The following BSDC1 variants were observed in gnomAD, a reference collection of about 807,000 sequenced individuals.
BSDC1 encodes BSD domain-containing protein 1.
A neutral mutation model predicts 56.0 loss-of-function variants in BSDC1; 29 were observed. The observed-to-expected ratio is 0.52, with a 90% CI of 0.39 to 0.71. BSDC1 has a LOEUF of 0.71. Among genes scored for constraint, BSDC1 ranks in the 30% least tolerant of loss-of-function variants. The pLI, the probability that BSDC1 is intolerant of heterozygous loss-of-function variation, is 0.00. For synonymous variants in BSDC1, 210 were observed against 215.3 expected (o/e 0.98, Z 0.21); for missense variants, 477 against 548.5 (o/e 0.87, Z 1.30).
intron 10 of BSDC1, chr1:32,366,874 G>A (rs1193024752): frequency 7.9e-7 from 1 of 1,270,736 alleles, no homozygotes; most frequent in Non-Finnish European, 1.0e-6. Context: ...GATTACCTCA[G>A]ACCTAAAGGA....
At chr1:32,376,195 G>A (rs1246505992) in intron 9 of BSDC1, 67 bp downstream of exon 9, 4 of 1,383,058 alleles carry the variant, frequency 2.9e-6, no homozygotes, top group Non-Finnish European at 3.8e-6. Flanking sequence ...GGGACAAGGA[G>A]ACAAATCTGC....
At chr1:32,389,969 T>A (rs1642809365) in intron 2 of BSDC1, among the ~76,000 whole-genome samples, 1 of 136,736 alleles carries the variant, frequency 7.3e-6, no homozygotes. Context: ...TGAGACCCTG[T>A]CTCAAAAAAA....
chr1:32,390,557 C>T (rs956621820), intron 2 of BSDC1, among the ~76,000 whole-genome samples: 2 of 152,114 alleles, frequency 1.3e-5, no homozygotes, highest in African/African-American at 2.4e-5. Flanking sequence ...ACTTTGGGCA[C>T]GCAGAACTTG....
At chr1:32,377,087 G>A (rs1366435706) in intron 8 of BSDC1, among the ~76,000 whole-genome samples, 1 of 151,986 alleles carries the variant, frequency 6.6e-6, no homozygotes, top group Non-Finnish European at 1.5e-5. Context: ...AGTGGGCGGA[G>A]ATTGCGCCAC....
Position 32,394,419 on chromosome 1 carries a change from C to A in BSDC1, c.-5G>T. The stretch of plus-strand genomic sequence containing the variant: ...ACAAGCTCACCCTTCCGCCATCTTG[C>A]CTGCATGACATCACCACTATTTACT... On this transcript the variant is annotated 5_prime_UTR_variant, in exon 1 of 11. Coordinates refer to ENST00000455895, the MANE Select transcript of BSDC1 (RefSeq NM_018045.8). 2 of 1,614,186 alleles carry A rather than the reference C, an allele frequency of 1.2e-6. No homozygotes were observed. Among genetic ancestry groups the A allele is most frequent in the South Asian group, 1.1e-5 (1 of 91,082 alleles).
At chr1:32,383,482 A>T (rs530641287) in intron 4 of BSDC1, among the ~76,000 whole-genome samples, 1 of 152,080 alleles carries the variant, frequency 6.6e-6, no homozygotes, top group African/African-American at 2.4e-5. Flanking sequence ...TGATTAGGAA[A>T]GATGCTATGT....
chr1:32,372,378 C>G (rs1642122819), intron 9 of BSDC1, among the ~76,000 whole-genome samples: 1 of 152,236 alleles, frequency 6.6e-6, no homozygotes, highest in Admixed American at 6.5e-5. Flanking sequence ...GCCATGACAG[C>G]TTTCCCTAAC....
rs996733846 is a variant in BSDC1 at position 32,366,827 on chromosome 1, G to C, written c.1261-173C>G. 8 of 1,350,704 alleles carry C rather than the reference G, an allele frequency of 5.9e-6. No homozygotes were observed. The Admixed American group carries it at 2.5e-4, about 42-fold the overall frequency. The allele number at this position is 1,350,704 out of a possible 1,614,324, so 83.7% of individuals were successfully genotyped here. The stretch of plus-strand genomic sequence containing the variant: ...TCTTAAGGAATGTGTCTGAGGGGCA[G>C]AGCTGCCCTCTGCCTGAGGGGTGGG... On this transcript the variant is annotated intron_variant, in intron 10 of 10. Coordinates refer to ENST00000455895, the MANE Select transcript of BSDC1 (RefSeq NM_018045.8).
intron 2 of BSDC1, 114 bp downstream of exon 2, chr1:32,393,966 A>G: frequency 1.0e-6 from 1 of 1,000,000 alleles, no homozygotes; most frequent in Non-Finnish European, 1.5e-6. Flanking sequence ...GGCCCAGGTC[A>G]GCCTCATCCT....
chr1:32,384,171 T>A (rs1642587524), intron 3 of BSDC1, 174 bp from the exon 4 acceptor site: 1 of 795,504 alleles, frequency 1.3e-6, no homozygotes. Flanking sequence ...GGGTCCTCCA[T>A]CCCCCAAGTG....
chr1:32,365,270 T>C lies in BSDC1; in HGVS notation c.*1352A>G, dbSNP rs1641804514. 4 of 152,440 alleles carry C rather than the reference T, an allele frequency of 2.6e-5. No individual in the cohort carries two copies. In the Middle Eastern group the frequency reaches 0.014, roughly 519 times the overall value. 9.4% of individuals were successfully genotyped at this position (152,440 alleles called of 1,614,324 possible). A position where few individuals can be genotyped will look rare whatever the true frequency, so the allele number is the denominator to read the frequency against. ...CCAGCTACAAAATACTCTGGGGAGA[T>C]GCATTATAATTTAAAATATATAATA... is the stretch of plus-strand genomic sequence containing the variant. On this transcript the variant is annotated 3_prime_UTR_variant, in exon 11 of 11. Coordinates refer to ENST00000455895, the MANE Select transcript of BSDC1 (RefSeq NM_018045.8).
At chr1:32,383,089 A>G (rs1402712090) in intron 4 of BSDC1, among the ~76,000 whole-genome samples, 2 of 152,054 alleles carry the variant, frequency 1.3e-5, no homozygotes, top group East Asian at 3.9e-4. Flanking sequence ...CCAAATATGC[A>G]ACATGAAGGA....
rs1029727640 is a variant in BSDC1 at position 32,364,807 on chromosome 1, A to G, written c.*1815T>C. ...AATCATATACAAACAGGGGGAAGAGAGGATAAAAATGACCAAGAGCAACTG... is the reference window on the plus strand; with the variant it reads ...AATCATATACAAACAGGGGGAAGAGGGGATAAAAATGACCAAGAGCAACTG... On this transcript the variant is annotated 3_prime_UTR_variant, in exon 11 of 11. Coordinates refer to ENST00000455895, the MANE Select transcript of BSDC1 (RefSeq NM_018045.8). Among the ~76,000 whole-genome samples the G allele has an allele frequency of 6.6e-6, 1 of 152,234 alleles. No individual in the cohort carries two copies. Among genetic ancestry groups the G allele is most frequent in the Non-Finnish European group, 1.5e-5 (1 of 68,046 alleles).
chr1:32,391,601 T>C (rs1642868049), intron 2 of BSDC1, among the ~76,000 whole-genome samples: 1 of 152,240 alleles, frequency 6.6e-6, no homozygotes, highest in African/African-American at 2.4e-5. Flanking sequence ...TCTATCAACG[T>C]GTATGCACAC....
Position 32,376,382 on chromosome 1 carries a change from G to A in BSDC1, c.1036C>T (p.Pro346Ser). ...ACTCTGGCTGGAGGCCTGGGCTCTG[G>A]GCCGCCGGTGTGGCCAGCAGGCGTT... ...PLTPAGHTGGPEPRPPARVET... is the reference protein window; with the variant it reads ...PLTPAGHTGGSEPRPPARVET... Residue 346 changes from proline to serine, a missense_variant, in exon 9 of 11, where the codon CCA becomes TCA. Coordinates refer to ENST00000455895, the MANE Select transcript of BSDC1 (RefSeq NM_018045.8). The A allele has an allele frequency of 6.2e-7, 1 of 1,613,764 alleles. No individual in the cohort carries two copies. Among genetic ancestry groups the A allele is most frequent in the Non-Finnish European group, 8.5e-7 (1 of 1,179,724 alleles).
intron 9 of BSDC1, chr1:32,369,272 C>T (rs1490523740): frequency 3.9e-6 from 5 of 1,289,546 alleles, no homozygotes. Flanking sequence ...AGCACTTTGG[C>T]CCAGAGGCTC....
At chr1:32,368,586 AGGCAGGGAAGG>A (rs770628186) in intron 9 of BSDC1, 36 bp from the exon 10 acceptor site, 1 of 1,612,974 alleles carries the variant, frequency 6.2e-7, no homozygotes, top group South Asian at 1.1e-5. Flanking sequence ...AAGCAGGAGG[AGGCAGGGAAGG>A]GGCACCTGAA....
At chr1:32,375,130 C>A (rs1279341400) in intron 9 of BSDC1, among the ~76,000 whole-genome samples, 1 of 151,472 alleles carries the variant, frequency 6.6e-6, no homozygotes, top group Admixed American at 6.6e-5. Context: ...CCAGCCTAGG[C>A]GACAGTGAGA....
intron 9 of BSDC1, among the ~76,000 whole-genome samples, chr1:32,370,574 C>T (rs554060973): frequency 2.6e-5 from 4 of 151,880 alleles, no homozygotes; most frequent in African/African-American, 9.7e-5. Context: ...GAGGCCGAGA[C>T]AGGTGGATCA....
Sources: gnomAD v4.1 joint callset for allele counts (sites outside exome capture counted in the v4.1 genomes callset) on GRCh38, gnomAD v4.1.1 for gene constraint, MANE v1.5 for transcripts, NCBI Gene and HGNC (gene_info 2026-07-23, HGNC 2026-07-21) for gene names.